Variants in NAA25 observed in about 807,000 individuals in gnomAD.
NAA25 encodes N-alpha-acetyltransferase 25, NatB auxiliary subunit.
NAA25 carries 30 observed loss-of-function variants against 132.5 expected under a neutral mutation model. The observed-to-expected ratio is 0.23, with a 90% CI of 0.17 to 0.31. The LOEUF (loss-of-function observed/expected upper bound fraction) is 0.31. Ranked by LOEUF, NAA25 falls within the 10% of genes least tolerant of loss-of-function variation. NAA25 has a pLI of 1.00. For missense variants in NAA25, 771 were observed against 1,150.4 expected, an observed-to-expected ratio of 0.67 and a Z score of 4.77; for synonymous variants, 359 against 401.9, an observed-to-expected ratio of 0.89 and a Z score of 1.28.
At chr12:112,096,986 G>GT (rs2136938920) in intron 1 of NAA25, among the ~76,000 whole-genome samples, 1 of 152,298 alleles carries the variant, frequency 6.6e-6, no homozygotes, top group African/African-American at 2.4e-5. Flanking sequence ...AGTTGACGAG[G>GT]TTCTGATATA....
intron 20 of NAA25, among the ~76,000 whole-genome samples, chr12:112,041,144 C>G (rs2136812140): frequency 6.7e-6 from 1 of 150,336 alleles, no homozygotes; most frequent in African/African-American, 2.4e-5. Flanking sequence ...AACAAGACCT[C>G]ATTTCTTGGG....
At chr12:112,079,583 A>C (rs1417236747) in intron 5 of NAA25, among the ~76,000 whole-genome samples, 2 of 151,984 alleles carry the variant, frequency 1.3e-5, no homozygotes, top group African/African-American at 4.8e-5. Flanking sequence ...AAAAAAAAAA[A>C]ACTAAGGTTA....
chr12:112,039,130 AT>A, intron 22 of NAA25, 98 bp downstream of exon 22: 1 of 617,052 alleles, frequency 1.6e-6, no homozygotes, highest in East Asian at 3.1e-5. Flanking sequence ...AGCTTGGCAT[AT>A]AGGATCCTAA....
In NAA25 at chr12:112,071,928, G is replaced by A. The variant is rs1184064192; in HGVS notation, c.1003C>T (p.Arg335Ter). ...LAKLELIRRLRSQGCNDEYKL... is the reference protein window; with the variant it reads ...LAKLELIRRL Reference sequence around the variant, plus strand: ...TACTCATCGTTACAACCTTGACTTCGTAAACGCCTAATCAGCTCCAATTTA... The same window carrying A: ...TACTCATCGTTACAACCTTGACTTCATAAACGCCTAATCAGCTCCAATTTA... Residue 335 changes from arginine (R) to a stop codon, truncating the protein, a stop_gained, in exon 10 of 24, where the codon CGA becomes TGA. Coordinates refer to ENST00000261745, the MANE Select transcript of NAA25 (RefSeq NM_024953.4). LOFTEE classifies it high-confidence loss of function. The A allele has an allele frequency of 1.2e-6, 2 of 1,613,504 alleles. No individual in the cohort carries two copies. The highest frequency in any genetic ancestry group is 8.5e-7 in the Non-Finnish European group (1 of 1,179,906).
chr12:112,058,730 C>A (rs1287310237), intron 13 of NAA25, among the ~76,000 whole-genome samples: 2 of 151,936 alleles, frequency 1.3e-5, no homozygotes, highest in African/African-American at 4.8e-5. Context: ...TCGAGACCAG[C>A]CTGGCCAACA....
intron 15 of NAA25, among the ~76,000 whole-genome samples, chr12:112,050,677 C>G (rs1231595537): frequency 6.6e-6 from 1 of 151,782 alleles, no homozygotes; most frequent in African/African-American, 2.4e-5. Flanking sequence ...CGCCAACACA[C>G]CCAGATAATT....
At chr12:112,057,373 A>G (rs2078562803) in intron 13 of NAA25, among the ~76,000 whole-genome samples, 1 of 152,210 alleles carries the variant, frequency 6.6e-6, no homozygotes, top group Non-Finnish European at 1.5e-5. Context: ...TATTGGTGAG[A>G]ACGGATGTTA....
Position 112,040,553 on chromosome 12 carries a change from G to A in NAA25, c.2466C>T (p.Asp822=). The change falls in exon 21 of 24, where the codon GAC becomes GAT. Residue 822 remains aspartate, a synonymous_variant. Coordinates refer to ENST00000261745, the MANE Select transcript of NAA25 (RefSeq NM_024953.4). ...AGTTACCATCTTTAACTTCTAAGAG[G>A]TCACCTTTACATTTACTGAAGACAT... ...LKDVFSKCKG[D]LLEVKDGNLK... 1 of 1,600,890 alleles carries A rather than the reference G, an allele frequency of 6.2e-7. No homozygotes were observed. Among genetic ancestry groups the A allele is most frequent in the Non-Finnish European group, 8.5e-7 (1 of 1,171,812 alleles).
At chr12:112,037,320 A>T (rs1447482764) in intron 22 of NAA25, among the ~76,000 whole-genome samples, 5 of 116,286 alleles carry the variant, frequency 4.3e-5, no homozygotes, top group Non-Finnish European at 5.4e-5. Context: ...ATATATATAT[A>T]TTCAAATTGG....
chr12:112,047,545 T>C (rs2078405971), intron 17 of NAA25, 120 bp downstream of exon 17: 4 of 1,284,864 alleles, frequency 3.1e-6, no homozygotes, highest in Non-Finnish European at 4.3e-6. Context: ...CCTAATTCTT[T>C]AAAAATAAAC....
chr12:112,091,289 A>G (rs1389496846), intron 2 of NAA25, among the ~76,000 whole-genome samples: 13 of 151,432 alleles, frequency 8.6e-5, no homozygotes, highest in Admixed American at 8.6e-4. Context: ...TGGTGCACTC[A>G]TGCGTATAAC....
Position 112,071,979 on chromosome 12 carries a change from G to C in NAA25, c.952C>G (p.Arg318Gly), listed in dbSNP as rs779637829. 6.2e-7 allele frequency: 1 copy of C among 1,613,988 alleles called. No individual in the cohort carries two copies. Among genetic ancestry groups the C allele is most frequent in the Non-Finnish European group, 8.5e-7 (1 of 1,179,936 alleles). Residue 318 changes from arginine (R) to glycine (G), a missense_variant, in exon 10 of 24, where the codon CGC becomes GGC. This residue lies in a region of NAA25 where 417 missense variants were observed against 733.8 expected (regional missense o/e 0.57). Transcript: ENST00000261745. ...DRITEESKSSRHLRGPHLAKL... is the reference protein window; with the variant it reads ...DRITEESKSSGHLRGPHLAKL... ...GCTAGATGTGGTCCTCGGAGATGGC[G>C]AGAACTTTTAGATTCTTCCGTTATC... is the stretch of plus-strand genomic sequence containing the variant.
intron 22 of NAA25, 124 bp downstream of exon 22, chr12:112,039,105 G>A: frequency 4.0e-6 from 2 of 499,116 alleles, no homozygotes. Context: ...GTCATCGTGG[G>A]CCATGGGTTG....
intron 15 of NAA25, 89 bp from the exon 16 acceptor site, chr12:112,048,532 C>T: frequency 1.8e-6 from 2 of 1,108,800 alleles, no homozygotes; most frequent in Non-Finnish European, 2.6e-6. Context: ...AACACTCAAA[C>T]TAAAATTAAG....
At chr12:112,052,463 C>T (rs1303650434) in intron 15 of NAA25, among the ~76,000 whole-genome samples, 2 of 152,190 alleles carry the variant, frequency 1.3e-5, no homozygotes, top group Non-Finnish European at 2.9e-5. Flanking sequence ...ACTAATGGTA[C>T]ACAGCTCATT....
At chr12:112,100,777 GC>G (rs2079283857) in intron 1 of NAA25, among the ~76,000 whole-genome samples, 1 of 151,562 alleles carries the variant, frequency 6.6e-6, no homozygotes, top group African/African-American at 2.4e-5. Flanking sequence ...CCGCCATCAC[GC>G]CCGGAGAATT....
chr12:112,071,035 C>A (rs982594010), intron 10 of NAA25, among the ~76,000 whole-genome samples: 1 of 151,286 alleles, frequency 6.6e-6, no homozygotes, highest in South Asian at 2.1e-4. Flanking sequence ...GCATGAGCCA[C>A]CACATCCACC....
chr12:112,039,523 T>C, intron 21 of NAA25, 184 bp from the exon 22 acceptor site: 1 of 473,418 alleles, frequency 2.1e-6, no homozygotes, highest in South Asian at 3.1e-5. Flanking sequence ...CATCATCTCC[T>C]GCTCAGAATA....
At position 112,078,330 on chromosome 12, in the gene NAA25, T is replaced by C; in HGVS notation, c.586-64A>G. The C allele has an allele frequency of 3.3e-6, 4 of 1,230,614 alleles. No homozygotes were observed. The South Asian group carries it at 5.2e-5, about 16-fold the overall frequency. 76.2% of individuals were successfully genotyped at this position (1,230,614 alleles called of 1,614,324 possible). On this transcript the variant is annotated intron_variant, in intron 6 of 23. Transcript: ENST00000261745. ...TTTCAATAATAAAAAGACAGTCATT[T>C]ATAGGTTTTTAAAAAGTTATTTAAT... is the stretch of plus-strand genomic sequence containing the variant.
Sources: allele counts gnomAD v4.1 joint callset (sites outside exome capture counted in the v4.1 genomes callset), GRCh38; gene constraint gnomAD v4.1.1; regional missense constraint gnomAD v4.1.1; transcripts MANE v1.5; gene names NCBI Gene and HGNC (gene_info 2026-07-23, HGNC 2026-07-21).